The following IL1RL2 variants were observed in gnomAD, a reference collection of about 807,000 sequenced individuals.
The protein encoded by IL1RL2 is interleukin-1 receptor-like 2.
IL1RL2 carries 68 observed loss-of-function variants against 66.8 expected under a neutral mutation model. The observed-to-expected ratio is 1.02, with a 90% CI of 0.84 to 1.25. The LOEUF (loss-of-function observed/expected upper bound fraction) is 1.25. Ranked by LOEUF, IL1RL2 falls within the 50% of genes most tolerant of loss-of-function variation. The pLI, the probability that IL1RL2 is intolerant of heterozygous loss-of-function variation, is 0.00. For missense variants in IL1RL2, 729 were observed against 709.3 expected, an observed-to-expected ratio of 1.03 and a Z score of -0.32; for synonymous variants, 305 against 264.6, an observed-to-expected ratio of 1.15 and a Z score of -1.48.
chr2:102,189,133 CT>C lies in IL1RL2; in HGVS notation c.120del (p.Phe40LeufsTer8). The C allele has an allele frequency of 6.2e-7, 1 of 1,614,074 alleles. No homozygotes were observed. The highest frequency in any genetic ancestry group is 8.5e-7 in the Non-Finnish European group (1 of 1,179,982). On this transcript the variant is annotated frameshift_variant, in exon 3 of 12. Coordinates refer to ENST00000264257, the MANE Select transcript of IL1RL2 (RefSeq NM_003854.4). LOFTEE classifies it high-confidence loss of function. The part of the protein sequence containing the change: ...NEILSASQPF[A>X]FNCTFPPITS... The stretch of plus-strand genomic sequence containing the variant: ...ATACTTTCAGCAAGCCAGCCTTTTG[CT>C]TTTAATTGTACATTCCCTCCCATAA...
At chr2:102,195,559 C>CTTTCCT (rs1481634028) in intron 4 of IL1RL2, among the ~76,000 whole-genome samples, 2 of 43,734 alleles carry the variant, frequency 4.6e-5, no homozygotes, top group African/African-American at 1.3e-4. Context: ...TTCTTTCTTT[C>CTTTCCT]TCTTTCTTTC....
chr2:102,207,824 C>T (rs1380593532), intron 5 of IL1RL2, among the ~76,000 whole-genome samples: 1 of 152,170 alleles, frequency 6.6e-6, no homozygotes, highest in Non-Finnish European at 1.5e-5. Flanking sequence ...GAGTTGCAGT[C>T]CCTGTGGCCC....
chr2:102,239,632 G>T lies in IL1RL2; in HGVS notation c.*391G>T. ...GGGTGGTCATCCACATGGTCATAGT[G>T]GGTGAGAGCTGGGGGTATCCCTACA... On this transcript the variant is annotated 3_prime_UTR_variant, in exon 12 of 12. Coordinates refer to ENST00000264257, the MANE Select transcript of IL1RL2 (RefSeq NM_003854.4). The T allele has an allele frequency of 4.5e-6, 1 of 224,550 alleles. No homozygotes were observed. Among genetic ancestry groups the T allele is most frequent in the Non-Finnish European group, 9.4e-6 (1 of 106,122 alleles). 13.9% of individuals were successfully genotyped at this position (224,550 alleles called of 1,614,324 possible).
rs759972140 is a variant in IL1RL2 at position 102,234,877 on chromosome 2, C to A, written c.1298-20C>A. The A allele has an allele frequency of 8.1e-6, 13 of 1,600,040 alleles. No homozygotes were observed. In the East Asian group the frequency reaches 1.8e-4, roughly 22 times the overall value. ...TGTTTTAATTGTGAGTTCTTCTGAGCCTTCTTTCTTTATTTCCAGCCGTGG... is the reference window on the plus strand; with the variant it reads ...TGTTTTAATTGTGAGTTCTTCTGAGACTTCTTTCTTTATTTCCAGCCGTGG... On this transcript the variant is annotated intron_variant, in intron 10 of 11. Coordinates refer to ENST00000264257, the MANE Select transcript of IL1RL2 (RefSeq NM_003854.4).
At chr2:102,218,023 C>T (rs944461434) in intron 6 of IL1RL2, among the ~76,000 whole-genome samples, 1 of 152,082 alleles carries the variant, frequency 6.6e-6, no homozygotes, top group Non-Finnish European at 1.5e-5. Flanking sequence ...TATTTGTAAA[C>T]TGTGCATCTG....
At chr2:102,238,231 C>T (rs1675040044) in intron 11 of IL1RL2, among the ~76,000 whole-genome samples, 1 of 151,976 alleles carries the variant, frequency 6.6e-6, no homozygotes, top group Non-Finnish European at 1.5e-5. Context: ...TTACATTCAC[C>T]TTCCCATAAT....
intron 10 of IL1RL2, 143 bp downstream of exon 10, chr2:102,233,267 AG>A: frequency 2.7e-6 from 2 of 735,356 alleles, no homozygotes; most frequent in Non-Finnish European, 4.3e-6. Flanking sequence ...CCTGCCCGTC[AG>A]CCCCCAGCCC....
At position 102,218,843 on chromosome 2, in the gene IL1RL2, T is replaced by G. The variant is rs566050176; in HGVS notation, c.725-110T>G. Reference sequence around the variant, plus strand: ...TTGCCTAGGGGGCTATTTCTGGTAATCAAAAGGTATTCGAGGCTCGAGAGT... The same window carrying G: ...TTGCCTAGGGGGCTATTTCTGGTAAGCAAAAGGTATTCGAGGCTCGAGAGT... On this transcript the variant is annotated intron_variant, in intron 6 of 11. Transcript: ENST00000264257. 50 of 914,024 alleles carry G rather than the reference T, an allele frequency of 5.5e-5. No homozygotes were observed. In the South Asian group the frequency reaches 8.3e-4, roughly 15 times the overall value. The allele number at this position is 914,024 out of a possible 1,614,324, so 56.6% of individuals were successfully genotyped here. A position where few individuals can be genotyped will look rare whatever the true frequency, so the allele number is the denominator to read the frequency against.
intron 4 of IL1RL2, among the ~76,000 whole-genome samples, chr2:102,197,172 A>C (rs1192367613): frequency 1.3e-5 from 2 of 152,114 alleles, no homozygotes; most frequent in Non-Finnish European, 2.9e-5. Flanking sequence ...AGATGTAATG[A>C]ATTTGTAGTG....
chr2:102,225,913 C>T lies in IL1RL2; in HGVS notation c.1007C>T (p.Ala336Val). The T allele has an allele frequency of 6.3e-7, 1 of 1,580,240 alleles. No individual in the cohort carries two copies. ...TCATTTGTAGCTCCGGATTTTCGAG[C>T]TTACTTGATAGGAGGGCTTATCGCC... ...ILQLPAPDFR[A>V]YLIGGLIALV... is the part of the protein sequence containing the mutation. The change falls in exon 9 of 12, where the codon GCT becomes GTT. Residue 336 changes from alanine (A) to valine (V), a missense_variant. Coordinates refer to ENST00000264257, the MANE Select transcript of IL1RL2 (RefSeq NM_003854.4).
chr2:102,223,853 A>G (rs895730489), intron 8 of IL1RL2, among the ~76,000 whole-genome samples: 10 of 152,320 alleles, frequency 6.6e-5, no homozygotes, highest in Admixed American at 1.3e-4. Context: ...AAAGAAGAGT[A>G]GAGGATGAGG....
intron 7 of IL1RL2, 73 bp downstream of exon 7, chr2:102,219,155 T>C: frequency 6.6e-7 from 1 of 1,512,018 alleles, no homozygotes; most frequent in Non-Finnish European, 9.2e-7. Flanking sequence ...CTGGTATCAC[T>C]ACTGCCTTCT....
intron 8 of IL1RL2, among the ~76,000 whole-genome samples, chr2:102,222,642 T>TA (rs1690241655): frequency 1.3e-5 from 2 of 152,060 alleles, no homozygotes; most frequent in African/African-American, 4.8e-5. Flanking sequence ...TGTGATGAAG[T>TA]AGGTGAGTTT....
At chr2:102,227,471 C>T (rs1038199651) in intron 9 of IL1RL2, among the ~76,000 whole-genome samples, 2 of 152,134 alleles carry the variant, frequency 1.3e-5, no homozygotes, top group Non-Finnish European at 2.9e-5. Flanking sequence ...ATGTAGAAAG[C>T]GATAAACTCC....
intron 4 of IL1RL2, 25 bp downstream of exon 4, chr2:102,192,145 A>AC (rs758188162): frequency 1.4e-6 from 2 of 1,471,022 alleles, no homozygotes; most frequent in Non-Finnish European, 1.8e-6. Flanking sequence ...TCTTATTGAT[A>AC]TTTTTCCTCC....
rs756476630 is a variant in IL1RL2, at chr2:102,201,565, G to A, written c.499G>A (p.Glu167Lys). 8.7e-6 allele frequency: 14 copies of A among 1,613,846 alleles called. No homozygotes were observed. The East Asian group carries it at 1.1e-4, about 13-fold the overall frequency. Residue 167 changes from glutamate to lysine, a missense_variant, in exon 5 of 12, where the codon GAG becomes AAG. By Grantham distance (56) the Glu-to-Lys change is moderately conservative. Transcript: ENST00000264257. ...TTTTTATTTGTATTAGGACTGTAAC[G>A]AGATTAAAGGGGAGCGGTTCACTGT... ...GPIKWYKDCNEIKGERFTVLE... is the reference protein window; with the variant it reads ...GPIKWYKDCNKIKGERFTVLE...
chr2:102,230,890 C>T (rs1691066923), intron 9 of IL1RL2, among the ~76,000 whole-genome samples: 1 of 152,218 alleles, frequency 6.6e-6, no homozygotes, highest in South Asian at 2.1e-4. Flanking sequence ...GATCTGTGCA[C>T]ATTTTCATTA....
intron 6 of IL1RL2, among the ~76,000 whole-genome samples, chr2:102,214,064 T>G (rs987911288): frequency 6.6e-6 from 1 of 152,204 alleles, no homozygotes; most frequent in East Asian, 1.9e-4. Context: ...ATAATACCTA[T>G]AATAAAGGAT....
rs775510345 is a variant in IL1RL2 at position 102,192,022 on chromosome 2, G to A, written c.391G>A (p.Glu131Lys). The change falls in exon 4 of 12, where the codon GAG becomes AAG. Residue 131 changes from glutamate to lysine, a missense_variant. Coordinates refer to ENST00000264257, the MANE Select transcript of IL1RL2 (RefSeq NM_003854.4). The stretch of plus-strand genomic sequence containing the variant: ...AGGTGGTTTACCAAATTTATCAGAT[G>A]AGTACAAGCAAATATTACATCTTGG... ...SIGGLPNLSD[E>K]YKQILHLGKD... 7.7e-5 allele frequency: 124 copies of A among 1,612,610 alleles called. 1 individual carries two copies. The East Asian group carries it at 2.5e-3, about 32-fold the overall frequency.
Sources: gnomAD v4.1 joint callset for allele counts (sites outside exome capture counted in the v4.1 genomes callset) on GRCh38, gnomAD v4.1.1 for gene constraint, MANE v1.5 for transcripts, NCBI Gene and HGNC (gene_info 2026-07-23, HGNC 2026-07-21) for gene names.